Variants in MGAT5 observed in about 807,000 individuals in gnomAD.
The protein encoded by MGAT5 is alpha-1,6-mannosylglycoprotein 6-beta-N-acetylglucosaminyltransferase, also known as alpha-1,6-mannosylglycoprotein 6-beta-N-acetylglucosaminyltransferase A.
MGAT5 carries 30 observed loss-of-function variants against 94.3 expected under a neutral mutation model. That is an observed-to-expected ratio of 0.32 (90% CI 0.24 to 0.43). The LOEUF (loss-of-function observed/expected upper bound fraction) is 0.43. Among genes scored for constraint, MGAT5 ranks in the 20% least tolerant of loss-of-function variants. MGAT5 has a pLI of 1.00. For missense variants in MGAT5, 691 were observed against 905.5 expected (o/e 0.76, Z 3.04); for synonymous variants, 310 against 322.9 (o/e 0.96, Z 0.43).
intron 10 of MGAT5, among the ~76,000 whole-genome samples, chr2:134,368,322 C>G (rs1680564578): frequency 6.6e-6 from 1 of 152,220 alleles, no homozygotes; most frequent in Admixed American, 6.5e-5. Flanking sequence ...GCAGCCAGTT[C>G]TGTAGAGTGA....
upstream of MGAT5, among the ~76,000 whole-genome samples, chr2:134,249,379 T>C (rs1682460631): frequency 2.0e-5 from 3 of 152,278 alleles, no homozygotes; most frequent in South Asian, 6.2e-4. Flanking sequence ...AGAAAAACCC[T>C]ATACACCTTA....
At chr2:134,144,684 T>C (rs577529558) in intron 1 of MGAT5, among the ~76,000 whole-genome samples, 6 of 152,360 alleles carry the variant, frequency 3.9e-5, no homozygotes, top group African/African-American at 1.4e-4. Context: ...ACTGTACTCA[T>C]ATTTATAAGT....
chr2:134,127,006 C>T (rs1163871358), intron 1 of MGAT5: 1 of 153,396 alleles, frequency 6.5e-6, no homozygotes, highest in Non-Finnish European at 1.5e-5. Context: ...AGTACCATCT[C>T]TGCCTCATGC....
chr2:134,310,868 C>A (rs980519961), intron 2 of MGAT5, among the ~76,000 whole-genome samples: 6 of 152,172 alleles, frequency 3.9e-5, no homozygotes, highest in African/African-American at 1.4e-4. Context: ...GAGGTGCTGG[C>A]AAGAGCTGTG....
chr2:134,134,613 G>C (rs1248492968), intron 1 of MGAT5, among the ~76,000 whole-genome samples: 2 of 152,218 alleles, frequency 1.3e-5, no homozygotes, highest in Non-Finnish European at 2.9e-5. Flanking sequence ...AGATCACCCA[G>C]GGGTGGGCAG....
At chr2:134,235,484 T>A (rs1681591652) in intron 1 of MGAT5, among the ~76,000 whole-genome samples, 1 of 151,908 alleles carries the variant, frequency 6.6e-6, no homozygotes, top group Admixed American at 6.6e-5. Flanking sequence ...TGGGTTTTGA[T>A]GGAGAGAGAG....
At position 134,243,897 on chromosome 2, in the gene MGAT5, T is replaced by A. The variant is rs1167054200; in HGVS notation, c.-142-10365T>A. ...ATTGGGCTGGAGGGCTTAGGAAGCA[T>A]TTGGAAATAATGAGCTTTATCTTGA... On this transcript the variant is annotated intron_variant, in intron 1 of 16. Coordinates refer to the MGAT5 transcript ENST00000409645. Among the ~76,000 whole-genome samples the A allele has an allele frequency of 2.0e-5, 3 of 152,232 alleles. No homozygotes were observed. In the East Asian group the frequency reaches 5.8e-4, roughly 29 times the overall value.
At chr2:134,248,109 T>G (rs1192461967) in intron 1 of MGAT5, among the ~76,000 whole-genome samples, 1 of 152,200 alleles carries the variant, frequency 6.6e-6, no homozygotes, top group African/African-American at 2.4e-5. Flanking sequence ...CTTCAAGGGT[T>G]TTACTACTAA....
intron 2 of MGAT5, among the ~76,000 whole-genome samples, chr2:134,287,812 A>G (rs1426870587): frequency 6.6e-6 from 1 of 152,214 alleles, no homozygotes; most frequent in East Asian, 1.9e-4. Context: ...AGGCTCTAGT[A>G]TAAGCATCTT....
chr2:134,166,861 CT>C (rs1687985635), intron 1 of MGAT5, among the ~76,000 whole-genome samples: 1 of 151,902 alleles, frequency 6.6e-6, no homozygotes, highest in African/African-American at 2.4e-5. Flanking sequence ...TGTTTTTTTT[CT>C]TTATAGGGAA....
chr2:134,359,715 G>C (rs781082476), intron 9 of MGAT5, among the ~76,000 whole-genome samples: 1 of 152,186 alleles, frequency 6.6e-6, no homozygotes, highest in Admixed American at 6.5e-5. Flanking sequence ...AAAAAAGAAA[G>C]GTTGGCCTGA....
intron 2 of MGAT5, among the ~76,000 whole-genome samples, chr2:134,290,385 A>T (rs1442116459): frequency 6.6e-6 from 1 of 152,140 alleles, no homozygotes; most frequent in African/African-American, 2.4e-5. Context: ...GGTTGAGGCC[A>T]GTTGCACTTA....
chr2:134,182,273 C>T lies in MGAT5; in HGVS notation c.-143+61982C>T, dbSNP rs1008836810. On this transcript the variant is annotated intron_variant, in intron 1 of 16. Coordinates refer to the MGAT5 transcript ENST00000409645. ...TTCAATTAGTGATCTGACCTGTTGT[C>T]ATCTATGATAGCTATATGCCATACA... Among the ~76,000 whole-genome samples, 20 of 152,160 alleles carry T rather than the reference C, an allele frequency of 1.3e-4. 1 individual carries two copies.
chr2:134,370,996 G>A (rs1222656848), intron 10 of MGAT5, among the ~76,000 whole-genome samples: 2 of 151,668 alleles, frequency 1.3e-5, no homozygotes, highest in African/African-American at 2.4e-5. Flanking sequence ...AGCCTTACCC[G>A]ATGTCATCAC....
intron 1 of MGAT5, among the ~76,000 whole-genome samples, chr2:134,259,545 A>C (rs1262168293): frequency 4.6e-5 from 7 of 152,162 alleles, no homozygotes; most frequent in Non-Finnish European, 8.8e-5. Context: ...ACTGTCCTAG[A>C]AAAGCTGCCA....
At chr2:134,253,660 A>G (rs1229682068), upstream of MGAT5, among the ~76,000 whole-genome samples, 1 of 152,134 alleles carries the variant, frequency 6.6e-6, no homozygotes, top group Non-Finnish European at 1.5e-5. Flanking sequence ...CCTCTGGCAT[A>G]TCTTCTCTGT....
intron 4 of MGAT5, among the ~76,000 whole-genome samples, chr2:134,319,229 G>A (rs1323190164): frequency 6.6e-6 from 1 of 152,138 alleles, no homozygotes; most frequent in Non-Finnish European, 1.5e-5. Flanking sequence ...ATTTTGGGGG[G>A]AATTGCCATA....
Position 134,448,883 on chromosome 2 carries a change from G to A in MGAT5, c.*36G>A. The A allele has an allele frequency of 6.3e-7, 1 of 1,591,412 alleles. No homozygotes were observed. On this transcript the variant is annotated 3_prime_UTR_variant, in exon 16 of 16. Transcript: ENST00000281923. ...CTCAGCCCTGCACCATGCTGCTGGG[G>A]AAGACAGTGGCCCCAGCCCCGTCAG...
chr2:134,260,227 G>C (rs751645686), intron 1 of MGAT5, among the ~76,000 whole-genome samples: 98 of 152,198 alleles, frequency 6.4e-4, no homozygotes, highest in Non-Finnish European at 8.5e-4. Flanking sequence ...TTCTTATGCA[G>C]AAACCAGATG....
Sources: allele counts gnomAD v4.1 joint callset (sites outside exome capture counted in the v4.1 genomes callset), GRCh38; gene constraint gnomAD v4.1.1; transcripts MANE v1.5; gene names NCBI Gene and HGNC (gene_info 2026-07-23, HGNC 2026-07-21).